Variants in ASTN2 observed in about 807,000 individuals in gnomAD.
The protein encoded by ASTN2 is astrotactin-2.
ASTN2 carries 54 observed loss-of-function variants against 139.8 expected under a neutral mutation model. The ratio of observed to expected loss-of-function variants is 0.39; its 90% CI spans 0.31 to 0.48. The LOEUF (loss-of-function observed/expected upper bound fraction) is 0.48, where lower values mean the gene tolerates loss of function less well. ASTN2 is among the 20% of genes least tolerant of loss of function. The pLI, the probability that ASTN2 is intolerant of heterozygous loss-of-function variation, is 0.95. For missense variants in ASTN2, 1,565 were observed against 1,725.1 expected, an observed-to-expected ratio of 0.91 and a Z score of 1.64; for synonymous variants, 756 against 719.5, an observed-to-expected ratio of 1.05 and a Z score of -0.81.
Position 116,838,618 on chromosome 9 carries a change from G to T in ASTN2, c.2041-17835C>A, listed in dbSNP as rs376163428. 6.8e-5 allele frequency among the ~76,000 whole-genome samples: 9 copies of T among 133,128 alleles called. No homozygotes were observed. In the East Asian group the frequency reaches 1.1e-3, roughly 16 times the overall value. The allele number at this position is 133,128 out of a possible 152,430, so 87.3% of individuals were successfully genotyped here. ...TTTTTTTTTTTTTTTCAGTAGAGAT[G>T]GAGTTTCACCAGGCCAGGCTGATCT... is the stretch of plus-strand genomic sequence containing the variant. On this transcript the variant is annotated intron_variant, in intron 11 of 22. Coordinates refer to ENST00000313400, the MANE Select transcript of ASTN2 (RefSeq NM_001365068.1).
intron 3 of ASTN2, among the ~76,000 whole-genome samples, chr9:117,155,405 G>A (rs1830411453): frequency 6.6e-6 from 1 of 151,976 alleles, no homozygotes; most frequent in Non-Finnish European, 1.5e-5. Flanking sequence ...TGCACAGGGA[G>A]CCTGCATGTA....
rs781563722 is a variant in ASTN2, at chr9:116,698,683, C to T, written c.2806+27088G>A. ...TCCTGGGCCATGGAGGCCACAGCGT[C>T]TGCTGCCTCTACCTCTGTTACTTTT... On this transcript the variant is annotated intron_variant, in intron 16 of 22. Coordinates refer to ENST00000313400, the MANE Select transcript of ASTN2 (RefSeq NM_001365068.1). This position sits in a 1 kb window ranked among gnomAD's most constrained non-coding sequence, Gnocchi z 4.4. 1.9e-6 allele frequency: 3 copies of T among 1,614,180 alleles called. No individual in the cohort carries two copies. In the Admixed American group the frequency reaches 5.0e-5, roughly 27 times the overall value.
chr9:117,413,972 G>T (rs1158171665), intron 1 of ASTN2, among the ~76,000 whole-genome samples: 1 of 152,218 alleles, frequency 6.6e-6, no homozygotes, highest in Non-Finnish European at 1.5e-5. Flanking sequence ...AGCCCATGCG[G>T]AAGCCACGCT....
At chr9:116,430,529 C>A (rs1019434657) in intron 22 of ASTN2, among the ~76,000 whole-genome samples, 5 of 152,164 alleles carry the variant, frequency 3.3e-5, no homozygotes, top group Admixed American at 3.3e-4. Context: ...AAGTAAGTGT[C>A]AGCAATGATT....
At chr9:117,197,383 A>C (rs1418760419) in intron 3 of ASTN2, 1 of 152,244 alleles carries the variant, frequency 6.6e-6, no homozygotes, top group Non-Finnish European at 1.5e-5. Flanking sequence ...AGAGGGTTGC[A>C]AAGTTTGATA....
chr9:116,850,681 C>T (rs369581745), intron 11 of ASTN2, among the ~76,000 whole-genome samples: 8 of 152,140 alleles, frequency 5.3e-5, no homozygotes, highest in African/African-American at 1.7e-4. Flanking sequence ...TACCCCACCC[C>T]CTGCCTAAAA....
chr9:116,478,762 A>C, intron 20 of ASTN2, among the ~76,000 whole-genome samples: 1 of 152,172 alleles, frequency 6.6e-6, no homozygotes, highest in East Asian at 1.9e-4. Context: ...TGGGAGGCCA[A>C]GACAGGTGGA....
intron 19 of ASTN2, among the ~76,000 whole-genome samples, chr9:116,495,732 C>T (rs564265134): frequency 6.6e-6 from 1 of 152,214 alleles, no homozygotes; most frequent in South Asian, 2.1e-4. Flanking sequence ...AATAAGAAGG[C>T]TGGAATTCAG....
chr9:117,362,807 G>A (rs952996019), intron 1 of ASTN2, among the ~76,000 whole-genome samples: 2 of 152,088 alleles, frequency 1.3e-5, no homozygotes, highest in African/African-American at 4.8e-5. Context: ...TGAAAGTCCT[G>A]CCTGAGTGTG....
intron 1 of ASTN2, among the ~76,000 whole-genome samples, chr9:117,365,534 A>G (rs550493974): frequency 6.6e-6 from 1 of 152,222 alleles, no homozygotes; most frequent in East Asian, 1.9e-4. Flanking sequence ...GTGAGAGGGA[A>G]AAAAGAAAGG....
At chr9:117,271,750 C>G (rs754628165) in intron 2 of ASTN2, among the ~76,000 whole-genome samples, 1 of 152,210 alleles carries the variant, frequency 6.6e-6, no homozygotes, top group African/African-American at 2.4e-5. Context: ...AATTTTAAAG[C>G]TCCAAAATGA....
At chr9:116,651,851 A>G in intron 16 of ASTN2, 58 bp from the exon 17 acceptor site, 1 of 1,570,836 alleles carries the variant, frequency 6.4e-7, no homozygotes, top group Non-Finnish European at 8.7e-7. Context: ...TCAAAAGGCC[A>G]GACTCTTGAA....
chr9:117,142,891 C>A (rs1003134206), intron 3 of ASTN2, among the ~76,000 whole-genome samples: 11 of 152,146 alleles, frequency 7.2e-5, no homozygotes, highest in African/African-American at 2.7e-4. Context: ...TGGGAAATTT[C>A]TTCTTCAGTT....
At chr9:116,700,198 T>C (rs1861102402) in intron 16 of ASTN2, 1 of 199,786 alleles carries the variant, frequency 5.0e-6, no homozygotes, top group South Asian at 1.2e-4. Flanking sequence ...ATTTAAGACA[T>C]CATATTCCCG....
chr9:116,795,200 G>A (rs1342272829), intron 13 of ASTN2, among the ~76,000 whole-genome samples: 1 of 152,084 alleles, frequency 6.6e-6, no homozygotes, highest in Non-Finnish European at 1.5e-5. Context: ...GGCTGGTCTC[G>A]AACTCCTGAC....
At chr9:116,651,441 A>G in intron 17 of ASTN2, 87 bp downstream of exon 17, 1 of 1,436,066 alleles carries the variant, frequency 7.0e-7, no homozygotes, top group Non-Finnish European at 9.5e-7. Context: ...GATCATGATG[A>G]CAATACCCCT....
At chr9:116,597,306 T>TTTTTTTTTG (rs1854635853) in intron 19 of ASTN2, among the ~76,000 whole-genome samples, 1 of 139,126 alleles carries the variant, frequency 7.2e-6, no homozygotes, top group Non-Finnish European at 1.6e-5. Flanking sequence ...TCTATTTTTT[T>TTTTTTTTTG]TTTTTTTTTT....
intron 19 of ASTN2, among the ~76,000 whole-genome samples, chr9:116,567,053 A>T (rs12375911): frequency 0.12 from 18,877 of 152,236 alleles, 1,284 homozygotes; most frequent in Non-Finnish European, 0.14. Context: ...CATATGAAGG[A>T]ACCAAGGCTG....
chr9:116,835,726 C>G (rs1030196108), intron 11 of ASTN2, among the ~76,000 whole-genome samples: 1 of 152,178 alleles, frequency 6.6e-6, no homozygotes, highest in Non-Finnish European at 1.5e-5. Context: ...CGTGGTCACT[C>G]ATATTTGGCT....
Sources: gnomAD v4.1 joint callset for allele counts (sites outside exome capture counted in the v4.1 genomes callset) on GRCh38, gnomAD v4.1.1 for gene constraint, Gnocchi (gnomAD v3.1) non-coding constraint, MANE v1.5 for transcripts, NCBI Gene and HGNC (gene_info 2026-07-23, HGNC 2026-07-21) for gene names.